The following DTNA variants were observed in gnomAD, a reference collection of about 807,000 sequenced individuals.
DTNA encodes the protein dystrobrevin alpha.
A neutral mutation model predicts 100.7 loss-of-function variants in DTNA; 43 were observed. That is an observed-to-expected ratio of 0.43 (90% confidence interval 0.33 to 0.55). The LOEUF (loss-of-function observed/expected upper bound fraction) is 0.55, where lower values mean the gene tolerates loss of function less well. Ranked by LOEUF, DTNA falls within the 20% of genes least tolerant of loss-of-function variation. The pLI is 0.04. For synonymous variants in DTNA, 349 were observed against 347.9 expected, an observed-to-expected ratio of 1.00 and a Z score of -0.04; for missense variants, 798 against 953.9, an observed-to-expected ratio of 0.84 and a Z score of 2.15.
chr18:34,746,792 T>A (rs1397912423), intron 1 of DTNA, among the ~76,000 whole-genome samples: 3 of 152,154 alleles, frequency 2.0e-5, no homozygotes, highest in Non-Finnish European at 4.4e-5. Context: ...CCCATGCCAA[T>A]CTGCTCCCAG....
intron 1 of DTNA, among the ~76,000 whole-genome samples, chr18:34,515,049 TA>T (rs2041465172): frequency 6.6e-6 from 1 of 152,070 alleles, no homozygotes; most frequent in Non-Finnish European, 1.5e-5. Context: ...TTAGTTCAGC[TA>T]TTAGGGTAGA....
chr18:34,571,632 T>G (rs1482429096), intron 1 of DTNA, among the ~76,000 whole-genome samples: 2 of 152,114 alleles, frequency 1.3e-5, no homozygotes, highest in Non-Finnish European at 2.9e-5. Context: ...GCCCTGTGAT[T>G]TGAGGTGCTC....
At chr18:34,622,039 A>G (rs1263066712) in intron 1 of DTNA, among the ~76,000 whole-genome samples, 1 of 152,154 alleles carries the variant, frequency 6.6e-6, no homozygotes, top group East Asian at 1.9e-4. Context: ...TGTCCAAAGG[A>G]TACAAAATTT....
At chr18:34,739,692 A>C (rs1162456902) in intron 1 of DTNA, among the ~76,000 whole-genome samples, 3 of 152,164 alleles carry the variant, frequency 2.0e-5, no homozygotes, top group Non-Finnish European at 4.4e-5. Flanking sequence ...TCTAAATCAG[A>C]AAACAGAAAA....
At chr18:34,583,872 C>T (rs12959677) in intron 1 of DTNA, among the ~76,000 whole-genome samples, 15,125 of 152,140 alleles carry the variant, frequency 0.099, 1,081 homozygotes, top group African/African-American at 0.19. Flanking sequence ...CTCTCTCACC[C>T]TGTAAGAGAG....
rs116389959 is a variant in DTNA, at chr18:34,582,496, G to A, written c.-2+88982G>A. 4.9e-3 allele frequency among the ~76,000 whole-genome samples: 753 copies of A among 152,172 alleles called. 5 individuals are homozygous for A. Among genetic ancestry groups the A allele is most frequent in the African/African-American group, 0.017 (719 of 41,502 alleles). ...GACTACAGCAGCAAGGCCCTCTAAC[G>A]AGTGAGGCCCAGGGCAGCCCGTCCC... On this transcript the variant is annotated intron_variant, in intron 1 of 19. Coordinates refer to the DTNA transcript ENST00000283365.
chr18:34,754,578 G>C (rs1429363596), intron 1 of DTNA, among the ~76,000 whole-genome samples: 1 of 152,120 alleles, frequency 6.6e-6, no homozygotes, highest in Non-Finnish European at 1.5e-5. Flanking sequence ...GTGTAGTAGG[G>C]TTCCTGGAGT....
chr18:34,647,762 C>T (rs1305552790), intron 1 of DTNA, among the ~76,000 whole-genome samples: 1 of 152,202 alleles, frequency 6.6e-6, no homozygotes, highest in Admixed American at 6.5e-5. Context: ...AGTCAACACA[C>T]AAATAAATAT....
chr18:34,809,088 A>G (rs1222942440), intron 5 of DTNA, among the ~76,000 whole-genome samples: 1 of 152,214 alleles, frequency 6.6e-6, no homozygotes, highest in Non-Finnish European at 1.5e-5. Flanking sequence ...TAATTTGGTC[A>G]CAAAAATCTC....
chr18:34,553,613 C>T (rs1266981292), intron 1 of DTNA, among the ~76,000 whole-genome samples: 1 of 152,068 alleles, frequency 6.6e-6, no homozygotes, highest in Non-Finnish European at 1.5e-5. Flanking sequence ...GCCAGTTTTC[C>T]CAGCACCATT....
chr18:34,845,373 CT>C (rs1428716746), intron 13 of DTNA, among the ~76,000 whole-genome samples: 6 of 152,058 alleles, frequency 3.9e-5, no homozygotes, highest in African/African-American at 1.2e-4. Context: ...TTCCAGGAGG[CT>C]TTTTAAAAAT....
chr18:34,711,212 G>C (rs1320023282), intron 1 of DTNA, among the ~76,000 whole-genome samples: 1 of 152,156 alleles, frequency 6.6e-6, no homozygotes, highest in East Asian at 1.9e-4. Context: ...GCCTTCTCAT[G>C]CGTTGTTTAC....
At chr18:34,694,102 T>C (rs1039023432) in intron 1 of DTNA, among the ~76,000 whole-genome samples, 3 of 151,858 alleles carry the variant, frequency 2.0e-5, no homozygotes, top group Non-Finnish European at 2.9e-5. Flanking sequence ...TATATCTCTT[T>C]GAGTAAGATA....
intron 1 of DTNA, among the ~76,000 whole-genome samples, chr18:34,598,384 A>G (rs2051072818): frequency 6.6e-6 from 1 of 152,308 alleles, no homozygotes; most frequent in African/African-American, 2.4e-5. Flanking sequence ...AGAATGTTAA[A>G]TAGCACAATG....
chr18:34,578,231 T>C (rs908686455), intron 1 of DTNA, among the ~76,000 whole-genome samples: 1 of 152,150 alleles, frequency 6.6e-6, no homozygotes, highest in African/African-American at 2.4e-5. Context: ...ATCAGTAATG[T>C]TGAGCATTTT....
intron 2 of DTNA, among the ~76,000 whole-genome samples, chr18:34,763,027 GGGTAA>G (rs1051767507): frequency 9.3e-4 from 142 of 152,324 alleles, no homozygotes; most frequent in African/African-American, 3.3e-3. Context: ...TGTGCTCAGA[GGGTAA>G]GGTCTTGCAG....
chr18:34,753,501 G>A (rs2148149203), intron 1 of DTNA, among the ~76,000 whole-genome samples: 1 of 143,984 alleles, frequency 6.9e-6, no homozygotes. Flanking sequence ...TCCTGCCTCA[G>A]CCTCCCAAGT....
intron 1 of DTNA, among the ~76,000 whole-genome samples, chr18:34,701,588 T>C (rs2081378315): frequency 6.6e-6 from 1 of 152,082 alleles, no homozygotes; most frequent in African/African-American, 2.4e-5. Context: ...TTTCAGAGCT[T>C]CAGGTTAATA....
chr18:34,891,531 C>G lies in DTNA; in HGVS notation c.*3797C>G, dbSNP rs928668685. On this transcript the variant is annotated 3_prime_UTR_variant, in exon 23 of 23. Coordinates refer to ENST00000444659, the MANE Select transcript of DTNA (RefSeq NM_001386795.1). ...ACCCATTGATGGAATATTGAGCCACCGAGGCAAAATAGCTCACCTTCTCTT... is the reference window on the plus strand; with the variant it reads ...ACCCATTGATGGAATATTGAGCCACGGAGGCAAAATAGCTCACCTTCTCTT... 2.0e-5 allele frequency: 3 copies of G among 151,996 alleles called. No individual in the cohort carries two copies. Among genetic ancestry groups the G allele is most frequent in the Admixed American group, 6.6e-5 (1 of 15,262 alleles). The allele number at this position is 151,996 out of a possible 1,614,324, so 9.4% of individuals were successfully genotyped here.
Sources: allele counts gnomAD v4.1 joint callset (sites outside exome capture counted in the v4.1 genomes callset), GRCh38; gene constraint gnomAD v4.1.1; transcripts MANE v1.5; gene names NCBI Gene and HGNC (gene_info 2026-07-23, HGNC 2026-07-21).